OTULIN: variants seen among roughly 807,000 people sequenced by gnomAD.
The protein encoded by OTULIN is ubiquitin thioesterase otulin.
Under a neutral mutation model 39.6 loss-of-function variants are expected in OTULIN, and 15 were observed. The observed-to-expected ratio is 0.38, with a 90% CI of 0.25 to 0.58. The LOEUF is 0.58. OTULIN is among the 20% of genes least tolerant of loss of function. OTULIN has a pLI of 0.66. For synonymous variants in OTULIN, 156 were observed against 170.3 expected, an observed-to-expected ratio of 0.92 and a Z score of 0.65; for missense variants, 319 against 445.9, an observed-to-expected ratio of 0.72 and a Z score of 2.56.
chr5:14,692,212 C>A (rs1200234442), intron 6 of OTULIN, among the ~76,000 whole-genome samples: 2 of 152,208 alleles, frequency 1.3e-5, no homozygotes, highest in Admixed American at 1.3e-4. Flanking sequence ...TGTCCTGTTT[C>A]ACCATATCTT....
At chr5:14,701,331 G>A (rs1411389631), downstream of OTULIN, among the ~76,000 whole-genome samples, 1 of 152,202 alleles carries the variant, frequency 6.6e-6, no homozygotes, top group Non-Finnish European at 1.5e-5. Flanking sequence ...GTGGCCTTGT[G>A]GGGCAGGCCT....
chr5:14,678,600 A>G, intron 2 of OTULIN, 81 bp from the exon 3 acceptor site: 1 of 985,614 alleles, frequency 1.0e-6, no homozygotes, highest in Non-Finnish European at 1.5e-6. Context: ...TGAAGAGTGA[A>G]GGGTAACCCC....
At chr5:14,702,669 G>T (rs1295298468), downstream of OTULIN, among the ~76,000 whole-genome samples, 1 of 152,136 alleles carries the variant, frequency 6.6e-6, no homozygotes, top group African/African-American at 2.4e-5. Flanking sequence ...GGTGCCATCA[G>T]GGGCGGTGGA....
the OTULIN span, chr5:14,713,493 A>G: frequency 6.8e-6 from 11 of 1,610,572 alleles, no homozygotes; most frequent in South Asian, 1.1e-5. The surrounding 1 kb of genome is among the most constrained non-coding windows in gnomAD (Gnocchi z 4.4). Flanking sequence ...CTCTGGACAC[A>G]GTATTGAAGT....
the OTULIN span, chr5:14,707,819 A>G: frequency 6.6e-6 from 1 of 152,226 alleles, no homozygotes; most frequent in African/African-American, 2.4e-5. Context: ...TCCAAGCCAA[A>G]CTACCAGCTA....
chr5:14,702,196 G>C (rs987168963), downstream of OTULIN, among the ~76,000 whole-genome samples: 45 of 152,158 alleles, frequency 3.0e-4, no homozygotes, highest in Non-Finnish European at 3.2e-4. Flanking sequence ...GTGGGTTTCC[G>C]GGTGGGTGCT....
At chr5:14,711,150 T>C in the OTULIN span, 40 of 1,457,298 alleles carry the variant, frequency 2.7e-5, no homozygotes, top group Non-Finnish European at 3.3e-5. Flanking sequence ...GATGCCGAAG[T>C]GTCATCCTGA....
chr5:14,691,240 C>T (rs1736518590), intron 6 of OTULIN, among the ~76,000 whole-genome samples: 2 of 152,226 alleles, frequency 1.3e-5, no homozygotes. Flanking sequence ...CTCCTACTTA[C>T]ATAATTGACT....
chr5:14,692,593 G>T (rs752769759), intron 6 of OTULIN, among the ~76,000 whole-genome samples: 2 of 150,598 alleles, frequency 1.3e-5, no homozygotes, highest in Admixed American at 6.6e-5. Flanking sequence ...TGGTTATTTG[G>T]TTTTTTGTTT....
intron 1 of OTULIN, among the ~76,000 whole-genome samples, chr5:14,670,922 A>G (rs1735964353): frequency 6.6e-6 from 1 of 152,198 alleles, no homozygotes; most frequent in African/African-American, 2.4e-5. Context: ...CCATGAAGTA[A>G]GCAGATGTTT....
At chr5:14,705,931 C>T in the OTULIN span, 1 of 152,154 alleles carries the variant, frequency 6.6e-6, no homozygotes, top group South Asian at 2.1e-4. Flanking sequence ...CTAATGTTCC[C>T]CAACTCCAGA....
At chr5:14,716,432 C>T in the OTULIN span, among the ~76,000 whole-genome samples, 2 of 152,096 alleles carry the variant, frequency 1.3e-5, no homozygotes, top group Admixed American at 6.5e-5. Flanking sequence ...GCAGAGGTTG[C>T]AGTGAGCCGA....
rs180947737 is a variant in OTULIN at position 14,694,421 on chromosome 5, A to C, written c.*1373A>C. Reference sequence around the variant, plus strand: ...CGGAGACATCACTCTTTAGGATTCTACTGGCAGCCCCTGAATTGGCTCAAC... The same window carrying C: ...CGGAGACATCACTCTTTAGGATTCTCCTGGCAGCCCCTGAATTGGCTCAAC... On this transcript the variant is annotated 3_prime_UTR_variant, in exon 7 of 7. Transcript: ENST00000284274. The C allele has an allele frequency of 2.0e-5, 3 of 152,216 alleles. No individual in the cohort carries two copies. The highest frequency in any genetic ancestry group is 7.2e-5 in the African/African-American group (3 of 41,460). The allele number at this position is 152,216 out of a possible 1,614,324, so 9.4% of individuals were successfully genotyped here.
chr5:14,684,456 G>A (rs1439031024), intron 4 of OTULIN, among the ~76,000 whole-genome samples: 1 of 152,200 alleles, frequency 6.6e-6, no homozygotes, highest in East Asian at 1.9e-4. Context: ...AGTGAAGGAA[G>A]GAAGGGACCC....
At chr5:14,672,781 G>A (rs1736010867) in intron 1 of OTULIN, among the ~76,000 whole-genome samples, 1 of 152,124 alleles carries the variant, frequency 6.6e-6, no homozygotes, top group Non-Finnish European at 1.5e-5. Context: ...TCCCTGTCCT[G>A]TGTCATTTAC....
intron 1 of OTULIN, among the ~76,000 whole-genome samples, chr5:14,670,771 ATT>A (rs56834326): frequency 7.7e-5 from 11 of 142,602 alleles, no homozygotes; most frequent in South Asian, 2.2e-4. Context: ...TGTCCAATTA[ATT>A]TTTTTTTTTT....
chr5:14,665,049 TGG>T (rs1438317129), intron 1 of OTULIN, 72 bp downstream of exon 1: 1 of 959,970 alleles, frequency 1.0e-6, no homozygotes, highest in Non-Finnish European at 1.2e-6. Context: ...CGGGCTGGGG[TGG>T]GGAGTCGTCA....
At chr5:14,681,006 G>A (rs200408756) in intron 3 of OTULIN, among the ~76,000 whole-genome samples, 1 of 152,170 alleles carries the variant, frequency 6.6e-6, no homozygotes, top group Non-Finnish European at 1.5e-5. Context: ...GTTGCAGTGA[G>A]CCGAGATTGC....
At chr5:14,678,271 T>C (rs1736156009) in intron 2 of OTULIN, among the ~76,000 whole-genome samples, 1 of 152,152 alleles carries the variant, frequency 6.6e-6, no homozygotes, top group African/African-American at 2.4e-5. Flanking sequence ...TGGGAGGCTG[T>C]AGCTGGGGCT....
Sources: gnomAD v4.1 joint callset for allele counts (sites outside exome capture counted in the v4.1 genomes callset) on GRCh38, gnomAD v4.1.1 for gene constraint, Gnocchi (gnomAD v3.1) non-coding constraint, MANE v1.5 for transcripts, NCBI Gene and HGNC (gene_info 2026-07-23, HGNC 2026-07-21) for gene names.